Variants in MACROD2 observed in about 807,000 individuals in gnomAD.
MACROD2 encodes mono-ADP ribosylhydrolase 2.
MACROD2 carries 36 observed loss-of-function variants against 70.4 expected under a neutral mutation model. The ratio of observed to expected loss-of-function variants is 0.51; its 90% CI spans 0.39 to 0.68. The LOEUF (loss-of-function observed/expected upper bound fraction) is 0.68. Ranked by LOEUF, MACROD2 falls within the 30% of genes least tolerant of loss-of-function variation. MACROD2 has a pLI of 0.00. For missense variants in MACROD2, 496 were observed against 538.4 expected (o/e 0.92, Z 0.78); for synonymous variants, 172 against 178.8 (o/e 0.96, Z 0.30).
chr20:15,958,398 A>G (rs1445640468), intron 12 of MACROD2, among the ~76,000 whole-genome samples: 1 of 152,154 alleles, frequency 6.6e-6, no homozygotes, highest in Non-Finnish European at 1.5e-5. Flanking sequence ...AGTGTTTTGA[A>G]TATCTCTTTG....
intron 5 of MACROD2, among the ~76,000 whole-genome samples, chr20:15,158,543 A>C (rs1415108941): frequency 1.3e-5 from 2 of 152,194 alleles, no homozygotes; most frequent in Non-Finnish European, 2.9e-5. Flanking sequence ...CAAATCTTTT[A>C]ACTCTACCAC....
At chr20:15,593,483 C>A (rs1466975914) in intron 8 of MACROD2, among the ~76,000 whole-genome samples, 1 of 152,222 alleles carries the variant, frequency 6.6e-6, no homozygotes, top group East Asian at 1.9e-4. Flanking sequence ...AAACTACCCT[C>A]ATAACAAAGG....
At chr20:14,527,862 A>G (rs1023093983) in intron 4 of MACROD2, among the ~76,000 whole-genome samples, 1 of 152,122 alleles carries the variant, frequency 6.6e-6, no homozygotes, top group Non-Finnish European at 1.5e-5. Flanking sequence ...AACACTTCTC[A>G]TGTCCACTTA....
At chr20:14,004,825 T>C (rs956086079) in intron 2 of MACROD2, among the ~76,000 whole-genome samples, 1 of 152,178 alleles carries the variant, frequency 6.6e-6, no homozygotes, top group Non-Finnish European at 1.5e-5. Flanking sequence ...TAATTCCTTG[T>C]CACTTAGTTT....
At position 14,544,885 on chromosome 20, in the gene MACROD2, G is replaced by A. The variant is rs149011463; in HGVS notation, c.301+51377G>A. ...GGGTATTAATTCCTTGGCATTTACA[G>A]CCTTCCACTTGCATAGGCAGAGTGG... On this transcript the variant is annotated intron_variant, in intron 4 of 17. Transcript: ENST00000684519. Among the ~76,000 whole-genome samples, 30 of 152,232 alleles carry A rather than the reference G, an allele frequency of 2.0e-4. No homozygotes were observed. The East Asian group carries it at 5.6e-3, about 29-fold the overall frequency.
At chr20:15,862,915 G>T in intron 9 of MACROD2, 89 bp downstream of exon 9, 1 of 970,558 alleles carries the variant, frequency 1.0e-6, no homozygotes, top group Non-Finnish European at 1.6e-6. Flanking sequence ...TCATCTTCAG[G>T]ACTGTTACAC....
At chr20:15,582,205 G>T (rs2048535037) in intron 8 of MACROD2, among the ~76,000 whole-genome samples, 2 of 151,988 alleles carry the variant, frequency 1.3e-5, no homozygotes, top group Non-Finnish European at 2.9e-5. Flanking sequence ...GTTCCCTCCA[G>T]CACCTCCTAG....
chr20:14,594,296 C>T (rs1012829570), intron 4 of MACROD2, among the ~76,000 whole-genome samples: 1 of 152,068 alleles, frequency 6.6e-6, no homozygotes, highest in Admixed American at 6.6e-5. Flanking sequence ...TGGCATTGGT[C>T]CACTTCTTTT....
intron 4 of MACROD2, among the ~76,000 whole-genome samples, chr20:14,577,793 G>GAAAGAGAAGAGAAGAGAAGA (rs1491039285): frequency 2.9e-4 from 3 of 10,408 alleles, no homozygotes; most frequent in African/African-American, 3.7e-4. Flanking sequence ...AAAAGAAAAG[G>GAAAGAGAAGAGAAGAGAAGA]AAAGAGAAGA....
intron 8 of MACROD2, among the ~76,000 whole-genome samples, chr20:15,603,383 C>T (rs1010610994): frequency 2.6e-5 from 4 of 151,462 alleles, no homozygotes; most frequent in African/African-American, 9.7e-5. Flanking sequence ...TGGTACGCAC[C>T]TGTAGTACCA....
intron 8 of MACROD2, among the ~76,000 whole-genome samples, chr20:15,839,058 G>A (rs978481859): frequency 6.6e-6 from 1 of 151,948 alleles, no homozygotes; most frequent in Non-Finnish European, 1.5e-5. Context: ...TATGTTTATT[G>A]GTAATATTTG....
intron 8 of MACROD2, among the ~76,000 whole-genome samples, chr20:15,725,461 T>A (rs2050847918): frequency 6.6e-6 from 1 of 152,210 alleles, no homozygotes; most frequent in Non-Finnish European, 1.5e-5. Context: ...TAATCACTTG[T>A]TAGTTCTAGG....
chr20:14,010,405 G>A (rs933344704), intron 2 of MACROD2, among the ~76,000 whole-genome samples: 1 of 152,020 alleles, frequency 6.6e-6, no homozygotes, highest in Non-Finnish European at 1.5e-5. Context: ...AAAGGTAGAG[G>A]GAAGGTAGAG....
chr20:15,211,609 C>A (rs1159255873), intron 5 of MACROD2, among the ~76,000 whole-genome samples: 1 of 152,040 alleles, frequency 6.6e-6, no homozygotes, highest in East Asian at 1.9e-4. Flanking sequence ...CACTCTCTTG[C>A]TCTGTCTCTC....
intron 6 of MACROD2, among the ~76,000 whole-genome samples, chr20:15,307,046 G>A (rs1221055583): frequency 6.6e-6 from 1 of 151,984 alleles, no homozygotes; most frequent in East Asian, 1.9e-4. Context: ...CCAGGAAAGG[G>A]CACAAACTCA....
intron 3 of MACROD2, among the ~76,000 whole-genome samples, chr20:14,194,645 G>A (rs936348050): frequency 2.0e-5 from 3 of 152,128 alleles, no homozygotes; most frequent in Non-Finnish European, 4.4e-5. Context: ...CAGATGGAGC[G>A]GGGATAAGTG....
chr20:15,719,500 A>AAAAGC (rs1425194724), intron 8 of MACROD2, among the ~76,000 whole-genome samples: 4 of 152,170 alleles, frequency 2.6e-5, no homozygotes, highest in Non-Finnish European at 4.4e-5. Context: ...AGATTCCTCC[A>AAAAGC]AAAGCTTGTT....
chr20:15,134,878 G>T (rs1030486651), intron 5 of MACROD2, among the ~76,000 whole-genome samples: 2 of 151,568 alleles, frequency 1.3e-5, no homozygotes, highest in South Asian at 4.2e-4. Flanking sequence ...ATGATAAAGG[G>T]GATATCACCA....
intron 3 of MACROD2, among the ~76,000 whole-genome samples, chr20:14,423,699 CAAAAA>C (rs1228934904): frequency 1.9e-5 from 1 of 51,348 alleles, no homozygotes. Flanking sequence ...GACTCTGTCT[CAAAAA>C]AAAAAAAAAA....
Sources: gnomAD v4.1 joint callset for allele counts (sites outside exome capture counted in the v4.1 genomes callset) on GRCh38, gnomAD v4.1.1 for gene constraint, MANE v1.5 for transcripts, NCBI Gene and HGNC (gene_info 2026-07-23, HGNC 2026-07-21) for gene names.